Variants in ADORA3 observed in about 807,000 individuals in gnomAD.
ADORA3 encodes adenosine A3 receptor.
ADORA3 carries 3 observed loss-of-function variants against 5.7 expected under a neutral mutation model. That is an observed-to-expected ratio of 0.52 (90% CI 0.24 to 1.35). The LOEUF (loss-of-function observed/expected upper bound fraction) is 1.35, where lower values mean the gene tolerates loss of function less well. ADORA3 is among the 40% of genes most tolerant of loss of function. The pLI is 0.17. For synonymous variants in ADORA3, 168 were observed against 152.3 expected, an observed-to-expected ratio of 1.10 and a Z score of -0.76; for missense variants, 343 against 389.0, an observed-to-expected ratio of 0.88 and a Z score of 0.99.
chr1:111,500,736 G>A, intron 1 of ADORA3, 180 bp from the exon 2 acceptor site: 1 of 626,700 alleles, frequency 1.6e-6, no homozygotes, highest in Non-Finnish European at 2.7e-6. Flanking sequence ...AACTCCACTG[G>A]ATACGAAGAC....
At chr1:111,502,788 G>A (rs1284030902) in intron 1 of ADORA3, among the ~76,000 whole-genome samples, 1 of 151,936 alleles carries the variant, frequency 6.6e-6, no homozygotes. Context: ...CTAGTCAGTG[G>A]AGAAAGGATT....
At position 111,503,364 on chromosome 1, in the gene ADORA3, C is replaced by T; in HGVS notation, c.-10G>A. 6.2e-7 allele frequency: 1 copy of T among 1,600,924 alleles called. No homozygotes were observed. Among genetic ancestry groups the T allele is most frequent in the South Asian group, 1.1e-5 (1 of 89,282 alleles). The stretch of plus-strand genomic sequence containing the variant: ...TGCTGTTGTTGGGCATCTTGCCTTC[C>T]CAGGGGAACCTCCACAGGGACAGGT... On this transcript the variant is annotated 5_prime_UTR_variant, in exon 1 of 2. Coordinates refer to ENST00000241356, the MANE Select transcript of ADORA3 (RefSeq NM_000677.4).
At chr1:111,500,730 C>G in intron 1 of ADORA3, 174 bp from the exon 2 acceptor site, 1 of 636,994 alleles carries the variant, frequency 1.6e-6, no homozygotes, top group Non-Finnish European at 2.7e-6. Flanking sequence ...CAGCTAAACT[C>G]CACTGGATAC....
In ADORA3 at chr1:111,499,892, A is replaced by G; in HGVS notation, c.*58T>C. 1.9e-6 allele frequency: 3 copies of G among 1,585,814 alleles called. No homozygotes were observed. The highest frequency in any genetic ancestry group is 2.6e-6 in the Non-Finnish European group (3 of 1,165,610). ...CTTGGCCCAGGCATACAGGCCCTCAAGTGTTTGTTGATGGGGAATCTGAAG... is the reference window on the plus strand; with the variant it reads ...CTTGGCCCAGGCATACAGGCCCTCAGGTGTTTGTTGATGGGGAATCTGAAG... On this transcript the variant is annotated 3_prime_UTR_variant, in exon 2 of 2. Transcript: ENST00000241356.
intron 1 of ADORA3, among the ~76,000 whole-genome samples, chr1:111,502,286 AAATATATAGGATATATATTCATTATAATG>A (rs1655259321): frequency 5.2e-5 from 1 of 19,094 alleles, no homozygotes; most frequent in Non-Finnish European, 1.2e-4. Flanking sequence ...TCATTATAAT[AAATATATAGGATATATATTCATTATAATG>A]AATATATATA....
chr1:111,499,587 AC>A lies in ADORA3; in HGVS notation c.*362del. 1 of 1,035,692 alleles carries A rather than the reference AC, an allele frequency of 9.7e-7. No homozygotes were observed. Among genetic ancestry groups the A allele is most frequent in the Non-Finnish European group, 1.2e-6 (1 of 859,482 alleles). 64.2% of individuals were successfully genotyped at this position (1,035,692 alleles called of 1,614,324 possible). On this transcript the variant is annotated 3_prime_UTR_variant, in exon 2 of 2. Coordinates refer to ENST00000241356, the MANE Select transcript of ADORA3 (RefSeq NM_000677.4). Reference sequence around the variant, plus strand: ...TTCCACAATGGTATGGAAATGAGTCACCACCACACACATGTTCAGCCCAACT... The same window carrying A: ...TTCCACAATGGTATGGAAATGAGTCACACCACACACATGTTCAGCCCAACT...
At position 111,500,160 on chromosome 1, in the gene ADORA3, G is replaced by C. The variant is rs1189703721; in HGVS notation, c.747C>G (p.Ile249Met). The change falls in exon 2 of 2, where the codon ATC becomes ATG. Residue 249 changes from isoleucine to methionine, a missense_variant. By Grantham distance (10) the Ile-to-Met change is conservative. Transcript: ENST00000241356. ...FALSWLPLSI[I>M]NCIIYFNGEV... ...CACCATTAAAGTAGATGATGCAGTTGATGATAGATAAAGGCAGCCATGACA... is the reference window on the plus strand; with the variant it reads ...CACCATTAAAGTAGATGATGCAGTTCATGATAGATAAAGGCAGCCATGACA... 3.7e-6 allele frequency: 6 copies of C among 1,614,042 alleles called. No individual in the cohort carries two copies. Among genetic ancestry groups the C allele is most frequent in the Non-Finnish European group, 5.1e-6 (6 of 1,180,038 alleles).
Position 111,500,433 on chromosome 1 carries a change from G to A in ADORA3, c.474C>T (p.His158=). 1 of 1,614,216 alleles carries A rather than the reference G, an allele frequency of 6.2e-7. No homozygotes were observed. The highest frequency in any genetic ancestry group is 8.5e-7 in the Non-Finnish European group (1 of 1,180,040). Residue 158 remains histidine (H), a synonymous_variant, in exon 2 of 2, where the codon CAC becomes CAT. Coordinates refer to ENST00000241356, the MANE Select transcript of ADORA3 (RefSeq NM_000677.4). ...GGCATGAAAGGAAGGTGACATTTCT[G>A]TGGTACTCTGAGGTCAGTTTCATGT... ...GWNMKLTSEY[H]RNVTFLSCQF...
chr1:111,503,004 C>T lies in ADORA3; in HGVS notation c.350+1G>A. 1 of 1,613,188 alleles carries T rather than the reference C, an allele frequency of 6.2e-7. No individual in the cohort carries two copies. The highest frequency in any genetic ancestry group is 1.1e-5 in the South Asian group (1 of 91,066). The stretch of plus-strand genomic sequence containing the variant: ...GCTGCCCACCCCACGCCGCAGGCTA[C>T]CTGACGGTAAGCTTGACCCGCAAGT... On this transcript the variant is annotated splice_donor_variant, in intron 1 of 1. Transcript: ENST00000241356. LOFTEE classifies it high-confidence loss of function.
At chr1:111,502,424 AGGATACATATATT>A in intron 1 of ADORA3, among the ~76,000 whole-genome samples, 1 of 141,716 alleles carries the variant, frequency 7.1e-6, no homozygotes, top group Non-Finnish European at 1.5e-5. Flanking sequence ...GAATATATAT[AGGATACATATATT>A]TATTATAATG....
chr1:111,503,265 G>C lies in ADORA3; in HGVS notation c.90C>G (p.Asn30Lys). Residue 30 changes from asparagine (N) to lysine (K), a missense_variant, in exon 1 of 2, where the codon AAC (asparagine) becomes AAG (lysine). Coordinates refer to ENST00000241356, the MANE Select transcript of ADORA3 (RefSeq NM_000677.4). Reference sequence around the variant, plus strand: ...GCTTGACCACGCAGATGACCAGCACGTTGCCCACTATGGCGCAGAGTCCAA... The same window carrying C: ...GCTTGACCACGCAGATGACCAGCACCTTGCCCACTATGGCGCAGAGTCCAA... ...IFIGLCAIVG[N>K]VLVICVVKLN... The C allele has an allele frequency of 6.2e-7, 1 of 1,614,220 alleles. No homozygotes were observed. The highest frequency in any genetic ancestry group is 1.7e-5 in the Admixed American group (1 of 60,022).
intron 1 of ADORA3, chr1:111,500,851 AG>A: frequency 6.0e-6 from 3 of 497,696 alleles, no homozygotes; most frequent in Admixed American, 3.6e-5. Context: ...CCTAGAGTCA[AG>A]TGCTTACGTG....
intron 1 of ADORA3, among the ~76,000 whole-genome samples, chr1:111,502,428 T>C (rs1365397074): frequency 7.0e-6 from 1 of 141,864 alleles, no homozygotes. Context: ...ATATATAGGA[T>C]ACATATATTT....
rs1655250433 is a variant in ADORA3 at position 111,502,241 on chromosome 1, A to G, written c.350+764T>C. 9.4e-5 allele frequency among the ~76,000 whole-genome samples: 2 copies of G among 21,306 alleles called. 1 individual carries two copies. The highest frequency in any genetic ancestry group is 2.9e-4 in the African/African-American group (2 of 6,948). The allele number at this position is 21,306 out of a possible 152,430, so 14.0% of individuals were successfully genotyped here. On this transcript the variant is annotated intron_variant, in intron 1 of 1. Transcript: ENST00000241356. The stretch of plus-strand genomic sequence containing the variant: ...ATATTTATTATAATGAATATATAGG[A>G]TATATTTATTATAATAAATATATAG...
At position 111,503,280 on chromosome 1, in the gene ADORA3, G is replaced by T; in HGVS notation, c.75C>A (p.Cys25Ter). Residue 25 changes from cysteine (C) to a stop codon, truncating the protein, a stop_gained, in exon 1 of 2, where the codon TGC becomes TGA. Coordinates refer to ENST00000241356, the MANE Select transcript of ADORA3 (RefSeq NM_000677.4). LOFTEE classifies it high-confidence loss of function. ...YITMEIFIGL[C>*]AIVGNVLVIC... ...TGACCAGCACGTTGCCCACTATGGC[G>T]CAGAGTCCAATGAAAATTTCCATGG... is the stretch of plus-strand genomic sequence containing the variant. The T allele has an allele frequency of 1.2e-6, 2 of 1,614,142 alleles. No individual in the cohort carries two copies. The highest frequency in any genetic ancestry group is 1.1e-5 in the South Asian group (1 of 91,058).
chr1:111,503,241 C>T lies in ADORA3; in HGVS notation c.114G>A (p.Lys38=). The T allele has an allele frequency of 6.2e-7, 1 of 1,614,238 alleles. No individual in the cohort carries two copies. The highest frequency in any genetic ancestry group is 8.5e-7 in the Non-Finnish European group (1 of 1,180,030). ...TGGTGGTCTGCAGGCTGGGGTTCAGCTTGACCACGCAGATGACCAGCACGT... is the reference window on the plus strand; with the variant it reads ...TGGTGGTCTGCAGGCTGGGGTTCAGTTTGACCACGCAGATGACCAGCACGT... The part of the protein sequence containing the change: ...VGNVLVICVV[K]LNPSLQTTTF... The change falls in exon 1 of 2, where the codon AAG becomes AAA. Residue 38 remains lysine (K), a synonymous_variant. Coordinates refer to ENST00000241356, the MANE Select transcript of ADORA3 (RefSeq NM_000677.4).
At position 111,500,357 on chromosome 1, in the gene ADORA3, T is replaced by G. The variant is rs774683122; in HGVS notation, c.550A>C (p.Thr184Pro). Residue 184 changes from threonine (T) to proline (P), a missense_variant, in exon 2 of 2, where the codon ACC becomes CCC. Coordinates refer to ENST00000241356, the MANE Select transcript of ADORA3 (RefSeq NM_000677.4). Reference sequence around the variant, plus strand: ...ACAACCAGGGGGATGAAAATCCAGGTGAGGAAGCTGAAGTATACCATGTAG... The same window carrying G: ...ACAACCAGGGGGATGAAAATCCAGGGGAGGAAGCTGAAGTATACCATGTAG... ...MDYMVYFSFL[T>P]WIFIPLVVMC... is the part of the protein sequence containing the mutation. The G allele has an allele frequency of 1.1e-5, 18 of 1,613,998 alleles. No homozygotes were observed. Among genetic ancestry groups the G allele is most frequent in the Middle Eastern group, 1.6e-4 (1 of 6,084 alleles).
At chr1:111,502,772 C>T (rs895612476) in intron 1 of ADORA3, among the ~76,000 whole-genome samples, 11 of 151,682 alleles carry the variant, frequency 7.3e-5, no homozygotes, top group African/African-American at 2.7e-4. Flanking sequence ...GATTGAGCAC[C>T]CACCCCTAGT....
chr1:111,502,896 C>T, intron 1 of ADORA3, 109 bp downstream of exon 1: 3 of 1,385,368 alleles, frequency 2.2e-6, no homozygotes, highest in Non-Finnish European at 2.9e-6. Context: ...CCTCTTTCAA[C>T]ATCAAGGGCC....
Sources: allele counts gnomAD v4.1 joint callset (sites outside exome capture counted in the v4.1 genomes callset), GRCh38; gene constraint gnomAD v4.1.1; transcripts MANE v1.5; gene names NCBI Gene and HGNC (gene_info 2026-07-23, HGNC 2026-07-21).